FAM234A: variants seen among roughly 807,000 people sequenced by gnomAD.
The protein encoded by FAM234A is family with sequence similarity 234 member A.
A neutral mutation model predicts 49.1 loss-of-function variants in FAM234A; 42 were observed. That is an observed-to-expected ratio of 0.86 (90% CI 0.67 to 1.11). The LOEUF is 1.11. Ranked by LOEUF, FAM234A falls within the 50% of genes least tolerant of loss-of-function variation. The probability of loss-of-function intolerance (pLI) is 0.00; values close to 1 mark genes in which losing one functional copy is unlikely to be tolerated. For synonymous variants in FAM234A, 369 were observed against 316.2 expected (o/e 1.17, Z -1.77); for missense variants, 815 against 745.2 (o/e 1.09, Z -1.09).
At position 263,251 on chromosome 16, in the gene FAM234A, CT is replaced by C; in HGVS notation, c.972-10del. 1 of 1,611,478 alleles carries C rather than the reference CT, an allele frequency of 6.2e-7. No homozygotes were observed. The highest frequency in any genetic ancestry group is 8.5e-7 in the Non-Finnish European group (1 of 1,179,590). ...GGACCCGGCGCCCCTTTCTCCCACTCTCCTGTCTAGCTCTGGAGCAGTGCGC... is the reference window on the plus strand; with the variant it reads ...GGACCCGGCGCCCCTTTCTCCCACTCCCTGTCTAGCTCTGGAGCAGTGCGC... On this transcript the variant is annotated splice_polypyrimidine_tract_variant and intron_variant, in intron 8 of 12. Transcript: ENST00000399932.
At chr16:236,386 A>C (rs1346267024) in intron 1 of FAM234A, among the ~76,000 whole-genome samples, 1 of 151,630 alleles carries the variant, frequency 6.6e-6, no homozygotes, top group Non-Finnish European at 1.5e-5. Context: ...GCACTTTGGG[A>C]GTTTGGGGTA....
At chr16:254,041 G>T (rs73484397) in intron 2 of FAM234A, 5,851 of 273,960 alleles carry the variant, frequency 0.021, 369 homozygotes, top group African/African-American at 0.12. Flanking sequence ...TATGCTCAGA[G>T]GCTGAGTAGG....
At chr16:245,220 A>AAC (rs567852032) in intron 1 of FAM234A, among the ~76,000 whole-genome samples, 28 of 152,100 alleles carry the variant, frequency 1.8e-4, no homozygotes, top group Admixed American at 4.6e-4. Context: ...GGTGATGCAC[A>AAC]CCTGTGGTCC....
At position 263,302 on chromosome 16, in the gene FAM234A, G is replaced by A. The variant is rs780361970; in HGVS notation, c.1012G>A (p.Ala338Thr). The A allele has an allele frequency of 3.2e-5, 51 of 1,613,008 alleles. No homozygotes were observed. The highest frequency in any genetic ancestry group is 4.2e-5 in the Non-Finnish European group (49 of 1,180,008). Residue 338 changes from alanine to threonine, a missense_variant, in exon 9 of 13, where the codon GCC becomes ACC. Transcript: ENST00000399932. ...CTACCTGATGCATGTCCCAGGGAAC[G>A]CCGGTGCAGATGTGCTTCTTGTGGG... ...VRYLMHVPGN[A>T]GADVLLVGSE...
At chr16:263,598 G>A (rs2051569498) in intron 9 of FAM234A, 102 bp from the exon 10 acceptor site, 1 of 1,266,150 alleles carries the variant, frequency 7.9e-7, no homozygotes, top group Non-Finnish European at 1.1e-6. Flanking sequence ...TGGTCCAGAT[G>A]TGGCCATGGG....
rs1011752140 is a variant in FAM234A at position 249,594 on chromosome 16, C to G, written c.-94C>G. 1 of 152,052 alleles carries G rather than the reference C, an allele frequency of 6.6e-6. No individual in the cohort carries two copies. The highest frequency in any genetic ancestry group is 2.4e-5 in the African/African-American group (1 of 41,288). The allele number at this position is 152,052 out of a possible 1,614,324, so 9.4% of individuals were successfully genotyped here. A position where few individuals can be genotyped will look rare whatever the true frequency, so the allele number is the denominator to read the frequency against. On this transcript the variant is annotated 5_prime_UTR_variant, in exon 2 of 13. Transcript: ENST00000399932. ...GCACAGATTCCCCGTCCACAGCTCA[C>G]GACCAGATGCACCAGCAGGAGTCCA...
At chr16:255,891 G>A (rs1476991097) in intron 3 of FAM234A, among the ~76,000 whole-genome samples, 2 of 152,300 alleles carry the variant, frequency 1.3e-5, no homozygotes, top group Non-Finnish European at 2.9e-5. Flanking sequence ...TCAAACTCCC[G>A]ACCTCAGATG....
At chr16:252,657 AGACTC>A (rs2051066310) in intron 2 of FAM234A, among the ~76,000 whole-genome samples, 3 of 152,184 alleles carry the variant, frequency 2.0e-5, no homozygotes, top group Admixed American at 2.0e-4. Flanking sequence ...ATCCTCACCC[AGACTC>A]GTCGTTTTTC....
In FAM234A at chr16:264,652, C is replaced by G. The variant is rs201194317; in HGVS notation, c.1383C>G (p.His461Gln). 6.2e-7 allele frequency: 1 copy of G among 1,611,802 alleles called. No homozygotes were observed. Among genetic ancestry groups the G allele is most frequent in the Non-Finnish European group, 8.5e-7 (1 of 1,179,916 alleles). Residue 461 changes from histidine to glutamine, a missense_variant, in exon 12 of 13, where the codon CAC (histidine) becomes CAG (glutamine). Physicochemically the swap from His to Gln is conservative, Grantham distance 24 (BLOSUM62 0). Coordinates refer to ENST00000399932, the MANE Select transcript of FAM234A (RefSeq NM_032039.4). ...GEARHSLYMFHPTLPRVLLEL... is the reference protein window; with the variant it reads ...GEARHSLYMFQPTLPRVLLEL... ...CCCGGCACAGCCTGTACATGTTCCA[C>G]CCCACCCTGCCGCGCGTGCTGCTGG...
intron 3 of FAM234A, among the ~76,000 whole-genome samples, chr16:255,428 G>C (rs2051193392): frequency 6.6e-6 from 1 of 152,124 alleles, no homozygotes; most frequent in Non-Finnish European, 1.5e-5. Context: ...ACAAAAATCA[G>C]CCAGGCGTGG....
chr16:235,050 C>T (rs2050350808), intron 1 of FAM234A, among the ~76,000 whole-genome samples, 193 bp downstream of exon 1: 1 of 152,236 alleles, frequency 6.6e-6, no homozygotes, highest in Non-Finnish European at 1.5e-5. Flanking sequence ...CCCCAAGTCC[C>T]TCAGCGGGTC....
At chr16:269,369 GTAAA>G (rs778092308), downstream of FAM234A, 19 of 1,602,964 alleles carry the variant, frequency 1.2e-5, 1 homozygote, top group Middle Eastern at 3.3e-4. Flanking sequence ...TGGCCTCCAC[GTAAA>G]CGGGAACACG....
At chr16:259,772 C>T (rs2051383236) in intron 4 of FAM234A, among the ~76,000 whole-genome samples, 173 bp downstream of exon 4, 1 of 152,216 alleles carries the variant, frequency 6.6e-6, no homozygotes, top group Admixed American at 6.5e-5. Flanking sequence ...AGTCCCAGCA[C>T]TGCCCTGGCC....
Position 263,712 on chromosome 16 carries a change from C to A in FAM234A, c.1125C>A (p.Phe375Leu), listed in dbSNP as rs760591238. 6.2e-7 allele frequency: 1 copy of A among 1,613,846 alleles called. No individual in the cohort carries two copies. The highest frequency in any genetic ancestry group is 1.7e-5 in the Admixed American group (1 of 60,030). The change falls in exon 10 of 13, where the codon TTC (phenylalanine) becomes TTA (leucine). Residue 375 changes from phenylalanine to leucine, a missense_variant. Transcript: ENST00000399932. Reference sequence around the variant, plus strand: ...CATATTGTTCCAGAAAACCCATCTTCGGCCGCTACAAACCAGACACCTTGG... The same window carrying A: ...CATATTGTTCCAGAAAACCCATCTTAGGCCGCTACAAACCAGACACCTTGG... The part of the protein sequence containing the change: ...KAAHVLRKPI[F>L]GRYKPDTLAV...
In FAM234A at chr16:247,782, T is replaced by C. The variant is rs144913128; in HGVS notation, c.-139-1767T>C. Among the ~76,000 whole-genome samples, 1,333 of 152,128 alleles carry C rather than the reference T, an allele frequency of 8.8e-3. 39 individuals carry two copies. The highest frequency in any genetic ancestry group is 0.03 in the African/African-American group (1,253 of 41,398). ...TCTCACAAACTCTTTTGATCTTAGA[T>C]CAGTCTGTGTTTTTCATAAATGCCT... On this transcript the variant is annotated intron_variant, in intron 1 of 12. Coordinates refer to ENST00000399932, the MANE Select transcript of FAM234A (RefSeq NM_032039.4).
At chr16:251,051 G>T (rs1347657626) in intron 2 of FAM234A, among the ~76,000 whole-genome samples, 1 of 152,140 alleles carries the variant, frequency 6.6e-6, no homozygotes, top group Non-Finnish European at 1.5e-5. Flanking sequence ...CCACCTCCCG[G>T]GTTCAAGCGA....
At chr16:244,942 T>A (rs1030865918) in intron 1 of FAM234A, among the ~76,000 whole-genome samples, 1 of 151,792 alleles carries the variant, frequency 6.6e-6, no homozygotes, top group Non-Finnish European at 1.5e-5. Flanking sequence ...TCTGCCCGCC[T>A]CAGCCTCCCA....
intron 2 of FAM234A, among the ~76,000 whole-genome samples, chr16:251,020 A>C (rs1385133040): frequency 6.6e-6 from 1 of 152,086 alleles, no homozygotes; most frequent in Non-Finnish European, 1.5e-5. Context: ...GCAATGGTGC[A>C]ATCTTGGCTC....
chr16:241,668 A>G (rs1164725360), intron 1 of FAM234A, among the ~76,000 whole-genome samples: 1 of 152,150 alleles, frequency 6.6e-6, no homozygotes, highest in Admixed American at 6.6e-5. Context: ...CTGTAATCCC[A>G]GCACTTTGGG....
Sources: allele counts gnomAD v4.1 joint callset (sites outside exome capture counted in the v4.1 genomes callset), GRCh38; gene constraint gnomAD v4.1.1; transcripts MANE v1.5; gene names NCBI Gene and HGNC (gene_info 2026-07-23, HGNC 2026-07-21).